The following CORO2B variants were observed in gnomAD, a reference collection of about 807,000 sequenced individuals.
The protein encoded by CORO2B is coronin 2B.
A neutral mutation model predicts 58.8 loss-of-function variants in CORO2B; 26 were observed. That is an observed-to-expected ratio of 0.44 (90% CI 0.32 to 0.61). CORO2B has a LOEUF of 0.61. CORO2B is among the 20% of genes least tolerant of loss of function. The pLI is 0.04. For missense variants in CORO2B, 460 were observed against 645.1 expected (o/e 0.71, Z 3.11); for synonymous variants, 242 against 253.8 (o/e 0.95, Z 0.44).
At chr15:68,519,270 T>C in the CORO2B span, among the ~76,000 whole-genome samples, 9,335 of 152,074 alleles carry the variant, frequency 0.061, 382 homozygotes, top group East Asian at 0.1. Context: ...CAAGCACACA[T>C]GTATAAGCAT....
chr15:68,691,715 C>G (rs1452048779), intron 2 of CORO2B, among the ~76,000 whole-genome samples: 1 of 150,738 alleles, frequency 6.6e-6, no homozygotes, highest in Non-Finnish European at 1.5e-5. Context: ...AAAGACTTGT[C>G]TCCTTCCCGA....
the CORO2B span, among the ~76,000 whole-genome samples, chr15:68,548,968 T>A: frequency 2.0e-5 from 3 of 152,246 alleles, no homozygotes; most frequent in African/African-American, 7.2e-5. Context: ...GCAAATATCT[T>A]TAGCTTGTTA....
chr15:68,626,569 T>A, intron 1 of CORO2B, among the ~76,000 whole-genome samples: 1 of 152,064 alleles, frequency 6.6e-6, no homozygotes, highest in East Asian at 1.9e-4. Context: ...CTGACACAGA[T>A]GCGGGACTCC....
chr15:68,702,708 C>T (rs1349429376), intron 3 of CORO2B, among the ~76,000 whole-genome samples: 1 of 152,006 alleles, frequency 6.6e-6, no homozygotes, highest in Non-Finnish European at 1.5e-5. Flanking sequence ...GACCCAGGCA[C>T]CATCTCTGTG....
chr15:68,705,336 G>A (rs1435354198), intron 3 of CORO2B, among the ~76,000 whole-genome samples: 1 of 151,308 alleles, frequency 6.6e-6, no homozygotes, highest in Non-Finnish European at 1.5e-5. Context: ...TACTCGGGAG[G>A]CTGAGGCAAG....
At chr15:68,580,966 T>C (rs1358188553) in intron 1 of CORO2B, among the ~76,000 whole-genome samples, 3 of 152,120 alleles carry the variant, frequency 2.0e-5, no homozygotes. Flanking sequence ...TCACACAGCA[T>C]GTATGTGGCA....
At chr15:68,617,801 G>A (rs768015375) in intron 1 of CORO2B, among the ~76,000 whole-genome samples, 4 of 152,172 alleles carry the variant, frequency 2.6e-5, no homozygotes, top group Non-Finnish European at 4.4e-5. Context: ...GAAATCCCCA[G>A]TGGGTGGTTG....
intron 1 of CORO2B, chr15:68,631,902 G>C: frequency 1.0e-6 from 1 of 979,732 alleles, no homozygotes; most frequent in African/African-American, 1.7e-5. Flanking sequence ...TAAATAGGCT[G>C]CTGGAATGGC....
intron 1 of CORO2B, among the ~76,000 whole-genome samples, chr15:68,637,992 T>C (rs1901086596): frequency 6.6e-6 from 1 of 152,188 alleles, no homozygotes; most frequent in African/African-American, 2.4e-5. Context: ...ACATAGTGAT[T>C]ATCTCAGAGG....
At chr15:68,529,742 G>C in the CORO2B span, among the ~76,000 whole-genome samples, 1 of 152,154 alleles carries the variant, frequency 6.6e-6, no homozygotes, top group Non-Finnish European at 1.5e-5. Context: ...TGAAAGCTTA[G>C]AATATTGATA....
At chr15:68,605,875 C>T (rs903157596) in intron 1 of CORO2B, among the ~76,000 whole-genome samples, 3 of 152,028 alleles carry the variant, frequency 2.0e-5, no homozygotes, top group Non-Finnish European at 4.4e-5. Flanking sequence ...CAGGCACCCG[C>T]CACCACACTC....
upstream of CORO2B, chr15:68,578,912 C>G (rs1899340317): frequency 7.1e-6 from 4 of 562,246 alleles, no homozygotes; most frequent in Non-Finnish European, 9.0e-6. This position sits in a 1 kb window ranked among gnomAD's most constrained non-coding sequence, Gnocchi z 4.2. Context: ...CCTCCTCCCT[C>G]CGCCTCCTCC....
intron 8 of CORO2B, among the ~76,000 whole-genome samples, chr15:68,718,262 T>C (rs566474694): frequency 6.6e-6 from 1 of 152,274 alleles, no homozygotes; most frequent in African/African-American, 2.4e-5. Flanking sequence ...CTCCCTCCTT[T>C]CTCTCTCAGG....
At chr15:68,679,899 C>T (rs1483791744) in intron 2 of CORO2B, among the ~76,000 whole-genome samples, 1 of 152,242 alleles carries the variant, frequency 6.6e-6, no homozygotes, top group Non-Finnish European at 1.5e-5. Flanking sequence ...GCATCTCCTT[C>T]TCTGGCCCCT....
rs1014817598 is a variant in CORO2B at position 68,653,780 on chromosome 15, C to T, written c.216+8420C>T. On this transcript the variant is annotated intron_variant, in intron 2 of 11. Transcript: ENST00000261861. The stretch of plus-strand genomic sequence containing the variant: ...ATTTTGTTTGCTTACCCAAAGCCTT[C>T]GTTCCCATTCCAGATTTCTGTAACA... Among the ~76,000 whole-genome samples the T allele has an allele frequency of 9.9e-5, 15 of 151,866 alleles. 1 individual carries two copies. Among genetic ancestry groups the T allele is most frequent in the African/African-American group, 3.6e-4 (15 of 41,282 alleles).
At chr15:68,686,485 G>C (rs1370925422) in intron 2 of CORO2B, among the ~76,000 whole-genome samples, 1 of 152,180 alleles carries the variant, frequency 6.6e-6, no homozygotes, top group African/African-American at 2.4e-5. Flanking sequence ...GTCACCTTGG[G>C]CAAGTCGCCT....
chr15:68,623,332 C>T (rs572261484), intron 1 of CORO2B, among the ~76,000 whole-genome samples: 1 of 152,278 alleles, frequency 6.6e-6, no homozygotes, highest in African/African-American at 2.4e-5. Context: ...GAGCAGGGGC[C>T]TTGACTGAAG....
the CORO2B span, among the ~76,000 whole-genome samples, chr15:68,534,867 T>C: frequency 6.6e-6 from 1 of 152,200 alleles, no homozygotes; most frequent in East Asian, 1.9e-4. Flanking sequence ...ACACATCTTA[T>C]GTGGCAGCAG....
chr15:68,650,143 C>CT (rs1349164848), intron 2 of CORO2B, among the ~76,000 whole-genome samples: 1 of 151,970 alleles, frequency 6.6e-6, no homozygotes. Context: ...CCGAGGCGGG[C>CT]TGATCACCCG....
Sources: gnomAD v4.1 joint callset for allele counts (sites outside exome capture counted in the v4.1 genomes callset) on GRCh38, gnomAD v4.1.1 for gene constraint, Gnocchi (gnomAD v3.1) non-coding constraint, MANE v1.5 for transcripts, NCBI Gene and HGNC (gene_info 2026-07-23, HGNC 2026-07-21) for gene names.